INSR: variants seen among roughly 807,000 people sequenced by gnomAD.
INSR encodes IR.
In INSR, 67 loss-of-function variants were observed where a neutral mutation model predicts 142.6. The observed-to-expected ratio is 0.47, with a 90% confidence interval of 0.39 to 0.58. The LOEUF is 0.58. INSR is among the 20% of genes least tolerant of loss of function. The pLI, the probability that INSR is intolerant of heterozygous loss-of-function variation, is 0.00. For missense variants in INSR, 1,248 were observed against 1,833.2 expected (o/e 0.68, Z 5.83); for synonymous variants, 756 against 743.1 (o/e 1.02, Z -0.28).
intron 14 of INSR, among the ~76,000 whole-genome samples, chr19:7,129,909 TG>T (rs1421270871): frequency 2.0e-5 from 3 of 152,116 alleles, no homozygotes; most frequent in African/African-American, 7.2e-5. Flanking sequence ...GGCTAATTTT[TG>T]TATTTTTTTG....
chr19:7,198,011 AGCGTGTGTGTGTGTCCATGATGG>A (rs1484896325), intron 2 of INSR, among the ~76,000 whole-genome samples: 8 of 109,052 alleles, frequency 7.3e-5, no homozygotes, highest in East Asian at 6.4e-4. Flanking sequence ...ATGGTGGGCG[AGCGTGTGTGTGTGTCCATGATGG>A]GCGTGTGTGT....
At chr19:7,149,854 G>C (rs555574853) in intron 11 of INSR, among the ~76,000 whole-genome samples, 1 of 150,460 alleles carries the variant, frequency 6.6e-6, no homozygotes, top group East Asian at 1.9e-4. Context: ...AAGGAAGGGA[G>C]GGAGGGACGG....
intron 2 of INSR, among the ~76,000 whole-genome samples, chr19:7,224,431 G>C (rs1975716372): frequency 6.6e-6 from 1 of 152,020 alleles, no homozygotes; most frequent in African/African-American, 2.4e-5. Context: ...AAGTAAACAC[G>C]GGAAGCTCTG....
Position 7,204,901 on chromosome 19 carries a change from C to A in INSR, c.653-20264G>T, listed in dbSNP as rs1975065702. On this transcript the variant is annotated intron_variant, in intron 2 of 21. Transcript: ENST00000302850. ...CTCGAGACCAGCCTGGCCAACATGG[C>A]AAAACCTCATTTCTACTAAATATAC... 2.0e-5 allele frequency among the ~76,000 whole-genome samples: 3 copies of A among 152,156 alleles called. No individual in the cohort carries two copies. The South Asian group carries it at 6.2e-4, about 32-fold the overall frequency.
chr19:7,268,432 C>T (rs1967809108), intron 1 of INSR: 1 of 985,172 alleles, frequency 1.0e-6, no homozygotes, highest in South Asian at 4.7e-5. Context: ...GTGAGGGCTT[C>T]CCAGGGAGCC....
At chr19:7,239,898 C>G (rs1251776418) in intron 2 of INSR, among the ~76,000 whole-genome samples, 1 of 151,974 alleles carries the variant, frequency 6.6e-6, no homozygotes, top group Non-Finnish European at 1.5e-5. Flanking sequence ...ACAAAAATAT[C>G]ATATGTGTGC....
In INSR at chr19:7,117,640, T is replaced by C. The variant is rs76254453; in HGVS notation, c.3795-230A>G. Among the ~76,000 whole-genome samples the C allele has an allele frequency of 1.2e-4, 18 of 152,312 alleles. No individual in the cohort carries two copies. The East Asian group carries it at 3.5e-3, about 29-fold the overall frequency. On this transcript the variant is annotated intron_variant, in intron 21 of 21. Coordinates refer to ENST00000302850, the MANE Select transcript of INSR (RefSeq NM_000208.4). The stretch of plus-strand genomic sequence containing the variant: ...TCTTATTTTGGACACAGCGTCTCAT[T>C]CTGTCACCCAGGCTGGAGTGCAGTG...
chr19:7,153,048 C>CCACAAA (rs1973434097), intron 9 of INSR, 121 bp from the exon 10 acceptor site: 1 of 312,792 alleles, frequency 3.2e-6, no homozygotes, highest in Admixed American at 8.7e-5. Flanking sequence ...ACACCACACA[C>CCACAAA]CCCCCCACAC....
At chr19:7,227,689 G>T (rs780449995) in intron 2 of INSR, among the ~76,000 whole-genome samples, 1 of 152,160 alleles carries the variant, frequency 6.6e-6, no homozygotes, top group African/African-American at 2.4e-5. Flanking sequence ...AAGAGGACCC[G>T]GCTATTGCAG....
intron 2 of INSR, among the ~76,000 whole-genome samples, chr19:7,186,373 G>A (rs10415017): frequency 0.15 from 22,383 of 151,964 alleles, 2,315 homozygotes; most frequent in African/African-American, 0.29. Context: ...AAATTTCTGC[G>A]ATGACGGAAA....
rs376413835 is a variant in INSR at position 7,153,013 on chromosome 19, CCACA to C, written c.2030-90_2030-87del. 66 of 545,290 alleles carry C rather than the reference CCACA, an allele frequency of 1.2e-4. 4 individuals carry two copies. The highest frequency in any genetic ancestry group is 4.5e-4 in the South Asian group (24 of 53,570). The allele number at this position is 545,290 out of a possible 1,614,324, so 33.8% of individuals were successfully genotyped here. On this transcript the variant is annotated intron_variant, in intron 9 of 21. Coordinates refer to ENST00000302850, the MANE Select transcript of INSR (RefSeq NM_000208.4). ...CACACACACCCCACACACACACACA[CCACA>C]CACACACACCACACACACACACACC...
intron 19 of INSR, among the ~76,000 whole-genome samples, chr19:7,122,090 C>T (rs1054280740): frequency 6.7e-6 from 1 of 150,276 alleles, no homozygotes; most frequent in Non-Finnish European, 1.5e-5. Context: ...TTCAGTGAGC[C>T]GAGATCCTGT....
intron 9 of INSR, among the ~76,000 whole-genome samples, chr19:7,158,014 T>A (rs1366965095): frequency 6.6e-6 from 1 of 150,504 alleles, no homozygotes; most frequent in African/African-American, 2.4e-5. Flanking sequence ...GAAAAAAAAA[T>A]GTAGAACTGC....
chr19:7,197,828 G>C (rs1434348167), intron 2 of INSR, among the ~76,000 whole-genome samples: 1 of 64,282 alleles, frequency 1.6e-5, no homozygotes, highest in Admixed American at 1.5e-4. Context: ...GCGAGAGAGA[G>C]AGAGAACGAG....
At chr19:7,244,768 A>G (rs1976477596) in intron 2 of INSR, among the ~76,000 whole-genome samples, 1 of 152,084 alleles carries the variant, frequency 6.6e-6, no homozygotes, top group Admixed American at 6.6e-5. Context: ...ATTTTCTCAT[A>G]TTGAAAATCA....
At chr19:7,174,519 G>A (rs72549232) in intron 4 of INSR, 64 bp downstream of exon 4, 29 of 1,586,300 alleles carry the variant, frequency 1.8e-5, no homozygotes, top group African/African-American at 8.1e-5. Context: ...TTTCTTCCCC[G>A]CTCACAGCTC....
intron 2 of INSR, among the ~76,000 whole-genome samples, chr19:7,185,678 A>G (rs1321842481): frequency 1.3e-5 from 2 of 151,018 alleles, no homozygotes; most frequent in Non-Finnish European, 2.9e-5. Flanking sequence ...CCCTGTCTCT[A>G]CTAAAAATAC....
chr19:7,252,465 T>C (rs1976757618), intron 2 of INSR, among the ~76,000 whole-genome samples: 1 of 152,060 alleles, frequency 6.6e-6, no homozygotes, highest in Admixed American at 6.5e-5. Flanking sequence ...ACCCGTCTGC[T>C]AGGTTAGTCA....
At chr19:7,269,038 C>CCCCA (rs1555690135) in intron 1 of INSR, among the ~76,000 whole-genome samples, 1 of 146,852 alleles carries the variant, frequency 6.8e-6, no homozygotes, top group Non-Finnish European at 1.5e-5. Flanking sequence ...ACCCACACAC[C>CCCCA]CACACACACA....
Sources: gnomAD v4.1 joint callset for allele counts (sites outside exome capture counted in the v4.1 genomes callset) on GRCh38, gnomAD v4.1.1 for gene constraint, MANE v1.5 for transcripts, NCBI Gene and HGNC (gene_info 2026-07-23, HGNC 2026-07-21) for gene names.